Variants in FOXP1 observed in about 807,000 individuals in gnomAD.
The protein encoded by FOXP1 is forkhead box protein P1.
FOXP1 carries 15 observed loss-of-function variants against 98.2 expected under a neutral mutation model. The observed-to-expected ratio is 0.15, with a 90% CI of 0.10 to 0.24. The LOEUF (loss-of-function observed/expected upper bound fraction) is 0.24, where lower values mean the gene tolerates loss of function less well. Ranked by LOEUF, FOXP1 falls within the 10% of genes least tolerant of loss-of-function variation. The pLI is 1.00. For synonymous variants in FOXP1, 371 were observed against 314.5 expected (o/e 1.18, Z -1.90); for missense variants, 633 against 848.5 (o/e 0.75, Z 3.15).
chr3:71,519,413 C>T (rs1354952786), intron 2 of FOXP1, among the ~76,000 whole-genome samples: 1 of 152,146 alleles, frequency 6.6e-6, no homozygotes, highest in South Asian at 2.1e-4. Context: ...CTATTCTCTG[C>T]CATGAAGATC....
intron 5 of FOXP1, among the ~76,000 whole-genome samples, chr3:71,225,773 C>A (rs1270469976): frequency 1.3e-5 from 2 of 152,128 alleles, no homozygotes; most frequent in Non-Finnish European, 2.9e-5. Flanking sequence ...GTGGAGGAAA[C>A]AAATCTTTTG....
chr3:71,053,126 T>C (rs915254259), intron 8 of FOXP1, among the ~76,000 whole-genome samples: 1 of 152,110 alleles, frequency 6.6e-6, no homozygotes. Flanking sequence ...TAGGTCCCCA[T>C]AGTGCAATGA....
intron 6 of FOXP1, among the ~76,000 whole-genome samples, chr3:71,155,183 A>T (rs1576080673): frequency 6.6e-6 from 1 of 152,166 alleles, no homozygotes; most frequent in African/African-American, 2.4e-5. Flanking sequence ...ATATCATGAC[A>T]TGTATTTTTA....
chr3:70,978,330 T>C (rs1309837923), intron 14 of FOXP1, among the ~76,000 whole-genome samples: 1 of 152,072 alleles, frequency 6.6e-6, no homozygotes, highest in Non-Finnish European at 1.5e-5. Flanking sequence ...ATTTATTTCA[T>C]TGTGATGTCT....
chr3:71,057,288 A>C (rs2050784626), intron 7 of FOXP1, among the ~76,000 whole-genome samples: 1 of 56,016 alleles, frequency 1.8e-5, no homozygotes, highest in Non-Finnish European at 5.1e-5. Context: ...AGTAAAAACG[A>C]AACTTTTTTT....
chr3:71,363,503 C>T (rs1288688), intron 3 of FOXP1, among the ~76,000 whole-genome samples: 118,172 of 152,100 alleles, frequency 0.78, 46,347 homozygotes, highest in Admixed American at 0.85. Flanking sequence ...TAGATTCAGA[C>T]TGCAGGCTAA....
At chr3:71,151,321 G>T (rs2060562086) in intron 6 of FOXP1, among the ~76,000 whole-genome samples, 1 of 152,166 alleles carries the variant, frequency 6.6e-6, no homozygotes, top group Non-Finnish European at 1.5e-5. Flanking sequence ...TAAATTGGCA[G>T]CTTTCACTAC....
rs985374151 is a variant in FOXP1, at chr3:71,381,218, T to G, written c.-167-21974A>C. 2.7e-5 allele frequency among the ~76,000 whole-genome samples: 4 copies of G among 150,574 alleles called. No homozygotes were observed. The South Asian group carries it at 6.4e-4, about 24-fold the overall frequency. ...CAGGCTGGAGTTCAGTGATGTGATC[T>G]CGGCTCACTGCAAGCTCCGCCTCCC... On this transcript the variant is annotated intron_variant, in intron 3 of 20. Coordinates refer to ENST00000649528, the MANE Select transcript of FOXP1 (RefSeq NM_001349338.3).
At chr3:71,290,820 G>A (rs1027127833) in intron 5 of FOXP1, among the ~76,000 whole-genome samples, 2 of 152,160 alleles carry the variant, frequency 1.3e-5, no homozygotes, top group African/African-American at 2.4e-5. Context: ...GGATTTTGGG[G>A]TTAAGGATGC....
At chr3:71,051,261 G>A (rs2049850598) in intron 9 of FOXP1, among the ~76,000 whole-genome samples, 2 of 152,090 alleles carry the variant, frequency 1.3e-5, no homozygotes, top group African/African-American at 2.4e-5. Context: ...CCGGTAGAGC[G>A]CCACTGTACT....
chr3:70,960,841 A>ATT lies in FOXP1; in HGVS notation c.1890-1452_1890-1451dup, dbSNP rs549719513. Among the ~76,000 whole-genome samples, 809 of 137,254 alleles carry ATT rather than the reference A, an allele frequency of 5.9e-3. 16 individuals are homozygous for ATT. The highest frequency in any genetic ancestry group is 0.019 in the African/African-American group (678 of 35,842). The allele number at this position is 137,254 out of a possible 152,430, so 90.0% of individuals were successfully genotyped here. ...GCTAGATGTTACCTTTAAAAAAATA[A>ATT]TTTTTTTTTTTTTTTTTTGAGACGG... is the stretch of plus-strand genomic sequence containing the variant. On this transcript the variant is annotated intron_variant, in intron 20 of 20. Coordinates refer to ENST00000649528, the MANE Select transcript of FOXP1 (RefSeq NM_001349338.3).
At chr3:71,396,986 A>C (rs796820864) in intron 3 of FOXP1, among the ~76,000 whole-genome samples, 1 of 78,238 alleles carries the variant, frequency 1.3e-5, no homozygotes, top group South Asian at 4.1e-4. Context: ...ATATATGTGT[A>C]TATATATACA....
chr3:71,479,926 G>A (rs1054442549), intron 3 of FOXP1, among the ~76,000 whole-genome samples: 18 of 152,142 alleles, frequency 1.2e-4, no homozygotes, highest in Admixed American at 5.2e-4. Flanking sequence ...GGCTGGGTAC[G>A]GTGGCTCACG....
chr3:71,370,798 G>GTTTTTT (rs71621937), intron 3 of FOXP1, among the ~76,000 whole-genome samples: 2 of 128,408 alleles, frequency 1.6e-5, no homozygotes, highest in African/African-American at 2.9e-5. Flanking sequence ...TTTTTTTGTT[G>GTTTTTT]TTTTTTTTTT....
intron 6 of FOXP1, among the ~76,000 whole-genome samples, chr3:71,116,947 C>A (rs1391210041): frequency 9.2e-5 from 14 of 152,164 alleles, no homozygotes; most frequent in Admixed American, 9.2e-4. Context: ...CTGATGGGAT[C>A]CCCTTTGGAA....
chr3:71,155,833 A>G (rs1401126686), intron 6 of FOXP1, among the ~76,000 whole-genome samples: 1 of 152,206 alleles, frequency 6.6e-6, no homozygotes, highest in East Asian at 1.9e-4. Flanking sequence ...CCTTCTTGAA[A>G]TCAGTGAAAA....
intron 4 of FOXP1, among the ~76,000 whole-genome samples, chr3:71,315,279 G>C (rs1028893354): frequency 1.3e-5 from 2 of 151,978 alleles, no homozygotes; most frequent in Admixed American, 1.3e-4. Context: ...AGCCACACCA[G>C]GGCGCTTTAT....
At chr3:71,245,787 T>G (rs1431900680) in intron 5 of FOXP1, among the ~76,000 whole-genome samples, 1 of 151,336 alleles carries the variant, frequency 6.6e-6, no homozygotes, top group Non-Finnish European at 1.5e-5. Context: ...CTTTCCCACC[T>G]CCTCCAATCA....
intron 13 of FOXP1, among the ~76,000 whole-genome samples, chr3:70,992,331 C>CATATCCAGTTACTTAGGCAGGGT (rs563740403): frequency 1.3e-5 from 2 of 152,242 alleles, no homozygotes; most frequent in East Asian, 1.9e-4. Flanking sequence ...GTGGCCCAAG[C>CATATCCAGTTACTTAGGCAGGGT]ATATCCAGTT....
Sources: allele counts gnomAD v4.1 joint callset (sites outside exome capture counted in the v4.1 genomes callset), GRCh38; gene constraint gnomAD v4.1.1; transcripts MANE v1.5; gene names NCBI Gene and HGNC (gene_info 2026-07-23, HGNC 2026-07-21).